NCAM1: variants seen among roughly 807,000 people sequenced by gnomAD.
NCAM1 encodes the protein neural cell adhesion molecule 1, also known as antigen recognized by monoclonal antibody 5.1H11.
In NCAM1, 14 loss-of-function variants were observed where a neutral mutation model predicts 109.8. The ratio of observed to expected loss-of-function variants is 0.13; its 90% CI spans 0.08 to 0.20. The LOEUF (loss-of-function observed/expected upper bound fraction) is 0.20, where lower values mean the gene tolerates loss of function less well. NCAM1 is among the 10% of genes least tolerant of loss of function. The pLI, the probability that NCAM1 is intolerant of heterozygous loss-of-function variation, is 1.00. For missense variants in NCAM1, 774 were observed against 1,109.9 expected, an observed-to-expected ratio of 0.70 and a Z score of 4.30; for synonymous variants, 418 against 442.9, an observed-to-expected ratio of 0.94 and a Z score of 0.70.
intron 1 of NCAM1, among the ~76,000 whole-genome samples, chr11:113,181,363 C>A (rs986776865): frequency 1.3e-5 from 2 of 152,126 alleles, no homozygotes; most frequent in Non-Finnish European, 2.9e-5. Flanking sequence ...GGTCTAAATA[C>A]CTGCTTTGAG....
At chr11:113,148,569 A>T (rs554668230) in intron 1 of NCAM1, among the ~76,000 whole-genome samples, 1 of 152,214 alleles carries the variant, frequency 6.6e-6, no homozygotes, top group South Asian at 2.1e-4. Context: ...GGAAGTGGGC[A>T]TTCATCCAAG....
chr11:113,115,422 A>G (rs1384076495), intron 1 of NCAM1, among the ~76,000 whole-genome samples: 1 of 152,182 alleles, frequency 6.6e-6, no homozygotes, highest in African/African-American at 2.4e-5. Context: ...TGTGCTAAGG[A>G]AGTGAAATTG....
chr11:113,045,606 T>C (rs193151530), intron 1 of NCAM1, among the ~76,000 whole-genome samples: 15 of 152,350 alleles, frequency 9.8e-5, no homozygotes, highest in Non-Finnish European at 2.1e-4. Flanking sequence ...AATCTGAGGT[T>C]CTTAAATGCC....
At chr11:113,202,335 T>TTTTTTG (rs782596452) in intron 1 of NCAM1, 44 bp from the exon 2 acceptor site, 9 of 1,515,154 alleles carry the variant, frequency 5.9e-6, no homozygotes, top group East Asian at 4.6e-5. Flanking sequence ...TTTGTGGGTT[T>TTTTTTG]TTTTTTGTTT....
At chr11:113,221,994 T>A (rs1212946160) in intron 9 of NCAM1, 1 of 152,254 alleles carries the variant, frequency 6.6e-6, no homozygotes, top group African/African-American at 2.4e-5. Flanking sequence ...TTGGATAATG[T>A]GGGACTTAGT....
intron 9 of NCAM1, among the ~76,000 whole-genome samples, chr11:113,225,112 G>C (rs1555115982): frequency 6.6e-6 from 1 of 152,198 alleles, no homozygotes; most frequent in Non-Finnish European, 1.5e-5. Flanking sequence ...AGAGAAGAAG[G>C]CTTCAGACGA....
intron 1 of NCAM1, among the ~76,000 whole-genome samples, chr11:113,101,447 CT>C (rs1939868592): frequency 6.6e-6 from 1 of 152,140 alleles, no homozygotes; most frequent in South Asian, 2.1e-4. Flanking sequence ...CCATATTTAA[CT>C]TTGCTCTTCT....
At chr11:113,155,973 A>T (rs1004474057) in intron 1 of NCAM1, among the ~76,000 whole-genome samples, 1 of 152,124 alleles carries the variant, frequency 6.6e-6, no homozygotes, top group African/African-American at 2.4e-5. Context: ...TGCACAAAAG[A>T]TTGGTGGAGG....
intron 1 of NCAM1, among the ~76,000 whole-genome samples, chr11:113,102,145 A>G (rs1555091655): frequency 6.6e-6 from 1 of 152,238 alleles, no homozygotes; most frequent in African/African-American, 2.4e-5. Context: ...AATAATCATT[A>G]CATTTTTTAG....
intron 10 of NCAM1, 21 bp downstream of exon 10, chr11:113,231,816 G>A: frequency 1.2e-6 from 2 of 1,613,706 alleles, no homozygotes; most frequent in Non-Finnish European, 1.7e-6. Context: ...AATGGGGAAG[G>A]ACCTGGGGGA....
intron 1 of NCAM1, among the ~76,000 whole-genome samples, chr11:113,091,251 T>C (rs1440209393): frequency 1.3e-5 from 2 of 151,910 alleles, no homozygotes; most frequent in Non-Finnish European, 3.0e-5. Context: ...CTGTTTACCC[T>C]AAAATATTTT....
intron 14 of NCAM1, chr11:113,236,158 G>A (rs1297852607): frequency 2.4e-6 from 2 of 836,402 alleles, no homozygotes; most frequent in Non-Finnish European, 3.7e-6. Context: ...TCTTTCTCTG[G>A]ATTTGAAGTA....
At chr11:113,171,127 G>A (rs936165906) in intron 1 of NCAM1, among the ~76,000 whole-genome samples, 8 of 152,206 alleles carry the variant, frequency 5.3e-5, no homozygotes, top group South Asian at 2.1e-4. Flanking sequence ...TCATGTAATC[G>A]CCACTACAAA....
At chr11:113,089,578 A>G (rs1939247803) in intron 1 of NCAM1, among the ~76,000 whole-genome samples, 1 of 152,156 alleles carries the variant, frequency 6.6e-6, no homozygotes, top group Admixed American at 6.6e-5. Context: ...CTACAAGCAC[A>G]CAGCACCGTG....
chr11:113,275,515 A>G lies in NCAM1; in HGVS notation c.*128A>G. Reference sequence around the variant, plus strand: ...ACACACATGCACACACACACATCTCATTTCTCTAGTGTCTTTTGCCTTTAA... The same window carrying G: ...ACACACATGCACACACACACATCTCGTTTCTCTAGTGTCTTTTGCCTTTAA... On this transcript the variant is annotated 3_prime_UTR_variant, in exon 20 of 20. Coordinates refer to ENST00000316851, the MANE Select transcript of NCAM1 (RefSeq NM_181351.5). 1 of 1,109,572 alleles carries G rather than the reference A, an allele frequency of 9.0e-7. No homozygotes were observed. The allele number at this position is 1,109,572 out of a possible 1,614,324, so 68.7% of individuals were successfully genotyped here.
chr11:113,236,691 G>A (rs528017313), intron 14 of NCAM1, among the ~76,000 whole-genome samples: 17 of 152,300 alleles, frequency 1.1e-4, no homozygotes, highest in South Asian at 6.2e-4. Context: ...CCAGGATGCC[G>A]GGAAAGTGAC....
chr11:113,098,180 G>A (rs1939694936), intron 1 of NCAM1, among the ~76,000 whole-genome samples: 1 of 152,104 alleles, frequency 6.6e-6, no homozygotes, highest in African/African-American at 2.4e-5. Context: ...TTGGTCTCAT[G>A]GAACTTCATT....
In NCAM1 at chr11:113,235,102, C is replaced by T. The variant is rs1945125360; in HGVS notation, c.1763C>T (p.Ala588Val). 4 of 1,607,936 alleles carry T rather than the reference C, an allele frequency of 2.5e-6. No individual in the cohort carries two copies. The highest frequency in any genetic ancestry group is 1.7e-5 in the Admixed American group (1 of 59,058). The change falls in exon 14 of 20, where the codon GCG becomes GTG. Residue 588 changes from alanine to valine, a missense_variant. Transcript: ENST00000316851. ...ACAACGTACGCCGTAAGGCTGGCGG[C>T]GCTCAATGGCAAAGGGCTGGGTGAG... ...PETTYAVRLA[A>V]LNGKGLGEIS...
At chr11:113,216,404 G>A (rs1352429158) in intron 8 of NCAM1, among the ~76,000 whole-genome samples, 2 of 151,822 alleles carry the variant, frequency 1.3e-5, no homozygotes, top group Non-Finnish European at 2.9e-5. Flanking sequence ...CGCCCGCCTC[G>A]GCCTCCCAAA....
Sources: gnomAD v4.1 joint callset for allele counts (sites outside exome capture counted in the v4.1 genomes callset) on GRCh38, gnomAD v4.1.1 for gene constraint, MANE v1.5 for transcripts, NCBI Gene and HGNC (gene_info 2026-07-23, HGNC 2026-07-21) for gene names.